The following COL6A5 variants were observed in gnomAD, a reference collection of about 807,000 sequenced individuals.
COL6A5 encodes the protein collagen alpha-5(VI) chain.
COL6A5 carries 48 observed loss-of-function variants against 65.6 expected under a neutral mutation model. That is an observed-to-expected ratio of 0.73 (90% CI 0.58 to 0.93). The LOEUF (loss-of-function observed/expected upper bound fraction) is 0.93. Ranked by LOEUF, COL6A5 falls within the 40% of genes least tolerant of loss-of-function variation. COL6A5 has a pLI of 0.00. For missense variants in COL6A5, 914 were observed against 928.3 expected, an observed-to-expected ratio of 0.98 and a Z score of 0.20; for synonymous variants, 291 against 322.8, an observed-to-expected ratio of 0.90 and a Z score of 1.05.
intron 1 of COL6A5, among the ~76,000 whole-genome samples, chr3:130,347,292 G>C (rs1390376135): frequency 6.6e-6 from 1 of 151,832 alleles, no homozygotes. Context: ...GACCCTGTGT[G>C]GTTATGATAT....
chr3:130,421,330 A>G, exon 27 of COL6A5: 1 of 1,550,780 alleles, frequency 6.4e-7, no homozygotes, highest in South Asian at 1.2e-5. Flanking sequence ...TATAGGGCCC[A>G]AGAGGATTCC....
At chr3:130,395,489 C>T in intron 8 of COL6A5, 24 bp downstream of exon 8, 1 of 1,504,748 alleles carries the variant, frequency 6.6e-7, no homozygotes, top group Non-Finnish European at 8.9e-7. Context: ...GTTTGGTTTT[C>T]TTCCATGGAA....
intron 4 of COL6A5, among the ~76,000 whole-genome samples, chr3:130,450,614 C>A (rs1315242428): frequency 6.6e-6 from 1 of 152,174 alleles, no homozygotes; most frequent in Non-Finnish European, 1.5e-5. Context: ...GGCCATTTTA[C>A]ATTCGTGGTT....
upstream of COL6A5, among the ~76,000 whole-genome samples, chr3:130,427,483 C>T (rs1937628213): frequency 1.3e-5 from 2 of 152,034 alleles, no homozygotes; most frequent in Admixed American, 6.6e-5. Context: ...TGAGTGTCAC[C>T]AAGGATGAGT....
exon 8 of COL6A5, chr3:130,395,058 A>C: frequency 6.4e-7 from 1 of 1,551,724 alleles, no homozygotes; most frequent in Non-Finnish European, 8.7e-7. Flanking sequence ...AGCAACTACC[A>C]GAGTATTATT....
At chr3:130,389,251 G>T (rs970301964) in intron 6 of COL6A5, 117 bp downstream of exon 6, 2 of 607,882 alleles carry the variant, frequency 3.3e-6, no homozygotes, top group Non-Finnish European at 5.0e-6. Flanking sequence ...TTAAGTTTTG[G>T]TCTTCTTTAT....
chr3:130,476,493 A>G (rs1180584498), intron 7 of COL6A5, among the ~76,000 whole-genome samples: 1 of 151,744 alleles, frequency 6.6e-6, no homozygotes. Context: ...CATTAGAATC[A>G]CCTAGTTATT....
chr3:130,425,785 T>A (rs951384286), intron 29 of COL6A5, among the ~76,000 whole-genome samples: 15 of 152,204 alleles, frequency 9.9e-5, no homozygotes, highest in African/African-American at 3.6e-4. Flanking sequence ...CTTTACACTC[T>A]TGATGCGTAA....
Position 130,416,744 on chromosome 3 carries a change from A to T in COL6A5, c.4825-13A>T. The T allele has an allele frequency of 3.6e-6, 5 of 1,404,402 alleles. No homozygotes were observed. Among genetic ancestry groups the T allele is most frequent in the Non-Finnish European group, 4.9e-6 (5 of 1,030,418 alleles). The allele number at this position is 1,404,402 out of a possible 1,614,324, so 87.0% of individuals were successfully genotyped here. On this transcript the variant is annotated splice_polypyrimidine_tract_variant and intron_variant and NMD_transcript_variant, in intron 23 of 41. Coordinates refer to the COL6A5 transcript ENST00000312481. ...TACGGTGCCAACATTTTAGTCTCTAATTTTTTTTTCAGGGTTCTCCTGGGC... is the reference window on the plus strand; with the variant it reads ...TACGGTGCCAACATTTTAGTCTCTATTTTTTTTTTCAGGGTTCTCCTGGGC...
intron 4 of COL6A5, among the ~76,000 whole-genome samples, chr3:130,449,959 C>T (rs1466961746): frequency 6.6e-6 from 1 of 152,050 alleles, no homozygotes; most frequent in South Asian, 2.1e-4. Context: ...CAGTGACCCC[C>T]GTGGGGACAA....
chr3:130,401,846 G>A, exon 12 of COL6A5: 12 of 1,550,760 alleles, frequency 7.7e-6, no homozygotes, highest in Non-Finnish European at 8.7e-6. Flanking sequence ...AGGACTACAA[G>A]CCATGAAGGT....
intron 4 of COL6A5, among the ~76,000 whole-genome samples, chr3:130,448,699 G>A (rs1709360004): frequency 6.6e-6 from 1 of 152,106 alleles, no homozygotes; most frequent in Admixed American, 6.5e-5. Flanking sequence ...TAGGGCTTGG[G>A]AAATTGGGCT....
At chr3:130,481,708 T>TGAA (rs1442967088) in intron 7 of COL6A5, among the ~76,000 whole-genome samples, 1 of 152,200 alleles carries the variant, frequency 6.6e-6, no homozygotes, top group African/African-American at 2.4e-5. Context: ...CCAGCATCTG[T>TGAA]TGTTTCCTAA....
intron 1 of COL6A5, among the ~76,000 whole-genome samples, chr3:130,359,658 G>C (rs536770977): frequency 6.6e-6 from 1 of 152,118 alleles, no homozygotes; most frequent in South Asian, 2.1e-4. Flanking sequence ...TTTATTATGA[G>C]AGGATCCCAT....
At position 130,423,824 on chromosome 3, in the gene COL6A5, A is replaced by C; in HGVS notation, c.5101-14A>C. 1 of 1,545,022 alleles carries C rather than the reference A, an allele frequency of 6.5e-7. No individual in the cohort carries two copies. Among genetic ancestry groups the C allele is most frequent in the South Asian group, 1.2e-5 (1 of 83,850 alleles). ...AGTGTTGAAACTAATGTATTAATAT[A>C]TTCCTATCTGCAGCTCACTGTAGGC... On this transcript the variant is annotated splice_polypyrimidine_tract_variant and intron_variant and NMD_transcript_variant, in intron 28 of 41. Transcript: ENST00000312481.
At chr3:130,384,766 A>G (rs772251792) in intron 4 of COL6A5, 38 bp from the exon 5 acceptor site, 6 of 1,457,418 alleles carry the variant, frequency 4.1e-6, no homozygotes, top group Non-Finnish European at 5.5e-6. Context: ...AGTTCTCTCT[A>G]GGTTCTCTAA....
At position 130,465,601 on chromosome 3, in the gene COL6A5, A is replaced by G. The variant is rs73868674; in HGVS notation, c.1545-3194A>G. Among the ~76,000 whole-genome samples, 961 of 152,222 alleles carry G rather than the reference A, an allele frequency of 6.3e-3. 11 individuals carry two copies. Among genetic ancestry groups the G allele is most frequent in the African/African-American group, 0.021 (892 of 41,554 alleles). ...GATCCAAAAGGATCAGACTCTTTCC[A>G]TGCAACTTAACTGCCTTCCAGAACT... On this transcript the variant is annotated intron_variant, in intron 5 of 7. Transcript: ENST00000512836.
At chr3:130,371,537 GT>G (rs1935559657) in intron 1 of COL6A5, among the ~76,000 whole-genome samples, 1 of 152,062 alleles carries the variant, frequency 6.6e-6, no homozygotes, top group Non-Finnish European at 1.5e-5. Flanking sequence ...TAGTAAATTT[GT>G]TTTTGATGAG....
In COL6A5 at chr3:130,379,919, AACAG is replaced by A. The variant is rs1303594736; in HGVS notation, c.1173_1176del (p.Thr392PhefsTer4). On this transcript the variant is annotated frameshift_variant and NMD_transcript_variant, in exon 4 of 42. Coordinates refer to the COL6A5 transcript ENST00000312481. ...GAAGAAATAGTGTCTTATCCTCCAG[AACAG>A]ACAATTTCCACGCTGAAGTCCTATG... 5.2e-6 allele frequency: 8 copies of A among 1,551,376 alleles called. No homozygotes were observed. The Admixed American group carries it at 5.9e-5, about 11-fold the overall frequency.
Sources: gnomAD v4.1 joint callset for allele counts (sites outside exome capture counted in the v4.1 genomes callset) on GRCh38, gnomAD v4.1.1 for gene constraint, MANE v1.5 for transcripts, NCBI Gene and HGNC (gene_info 2026-07-23, HGNC 2026-07-21) for gene names.